The following MKLN1 variants were observed in gnomAD, a reference collection of about 807,000 sequenced individuals.
MKLN1 encodes the protein muskelin.
Under a neutral mutation model 99.0 loss-of-function variants are expected in MKLN1, and 18 were observed. The observed-to-expected ratio is 0.18, with a 90% CI of 0.13 to 0.27. MKLN1 has a LOEUF of 0.27. Ranked by LOEUF, MKLN1 falls within the 10% of genes least tolerant of loss-of-function variation. The pLI is 1.00. For synonymous variants in MKLN1, 288 were observed against 293.2 expected (o/e 0.98, Z 0.18); for missense variants, 621 against 875.9 (o/e 0.71, Z 3.67).
intron 3 of MKLN1, among the ~76,000 whole-genome samples, chr7:131,211,475 A>G (rs1301630264): frequency 2.0e-5 from 3 of 151,914 alleles, no homozygotes; most frequent in African/African-American, 2.4e-5. Flanking sequence ...GAGAGTCTGT[A>G]CTCTCCTAAG....
intron 9 of MKLN1, among the ~76,000 whole-genome samples, chr7:131,433,272 T>C (rs1795579449): frequency 6.6e-6 from 1 of 152,206 alleles, no homozygotes; most frequent in Non-Finnish European, 1.5e-5. Flanking sequence ...TATGTTTTCT[T>C]AGGATTGGAT....
intron 4 of MKLN1, among the ~76,000 whole-genome samples, chr7:131,391,986 T>G (rs988685779): frequency 9.2e-5 from 14 of 152,256 alleles, no homozygotes; most frequent in African/African-American, 3.1e-4. Context: ...AAAGGAAAAT[T>G]TAGTAACAGA....
At chr7:131,271,653 T>C (rs867909099) in intron 3 of MKLN1, among the ~76,000 whole-genome samples, 14 of 151,040 alleles carry the variant, frequency 9.3e-5, no homozygotes, top group African/African-American at 3.4e-4. Flanking sequence ...CCGGGCATGG[T>C]TGCTCACGCC....
At chr7:131,361,645 T>C (rs1193166823) in intron 1 of MKLN1, among the ~76,000 whole-genome samples, 1 of 151,450 alleles carries the variant, frequency 6.6e-6, no homozygotes, top group East Asian at 1.9e-4. Flanking sequence ...CACTTAAATC[T>C]CTCTGAGGAA....
intron 3 of MKLN1, among the ~76,000 whole-genome samples, chr7:131,246,885 G>A (rs1183042610): frequency 6.6e-6 from 1 of 152,148 alleles, no homozygotes; most frequent in African/African-American, 2.4e-5. Context: ...TTGTGATGTG[G>A]TTTCTTTCTG....
At chr7:131,469,881 CT>C (rs11437302) in intron 15 of MKLN1, among the ~76,000 whole-genome samples, 11 of 146,604 alleles carry the variant, frequency 7.5e-5, no homozygotes, top group Admixed American at 2.0e-4. Flanking sequence ...CTCAGTTTTG[CT>C]TTTTTTTTTT....
chr7:131,276,852 TGAG>T (rs1455598661), intron 3 of MKLN1, among the ~76,000 whole-genome samples: 1 of 152,328 alleles, frequency 6.6e-6, no homozygotes, highest in East Asian at 1.9e-4. Context: ...GTCTGACTTT[TGAG>T]GAGGAGTATT....
At chr7:131,144,999 A>C (rs565523377) in intron 2 of MKLN1, among the ~76,000 whole-genome samples, 6 of 151,696 alleles carry the variant, frequency 4.0e-5, no homozygotes, top group Admixed American at 1.3e-4. Flanking sequence ...CAACAACCAC[A>C]ACAACAACAA....
chr7:131,372,743 ATAAAGT>A (rs940432913), intron 1 of MKLN1, among the ~76,000 whole-genome samples: 5 of 136,826 alleles, frequency 3.7e-5, no homozygotes, highest in African/African-American at 1.1e-4. Context: ...TTTTTTTTAG[ATAAAGT>A]TCTAAGAAGT....
chr7:131,192,263 TA>T (rs1563247657), intron 2 of MKLN1, among the ~76,000 whole-genome samples: 40 of 84,656 alleles, frequency 4.7e-4, no homozygotes, highest in Admixed American at 8.9e-4. Flanking sequence ...ATATATACAA[TA>T]TATAAATATA....
At chr7:131,240,767 C>A (rs1341452223) in intron 3 of MKLN1, among the ~76,000 whole-genome samples, 1 of 152,070 alleles carries the variant, frequency 6.6e-6, no homozygotes, top group African/African-American at 2.4e-5. Flanking sequence ...ACACAGTAGG[C>A]AAATGGGATA....
At chr7:131,189,489 C>T (rs1014710286) in intron 2 of MKLN1, among the ~76,000 whole-genome samples, 11 of 151,386 alleles carry the variant, frequency 7.3e-5, no homozygotes, top group Admixed American at 4.0e-4. Context: ...TTGCTTCTTA[C>T]GGTATTTCAG....
In MKLN1 at chr7:131,366,511, T is replaced by C. The variant is rs78888283; in HGVS notation, c.99-8913T>C. Among the ~76,000 whole-genome samples the C allele has an allele frequency of 3.7e-3, 570 of 152,206 alleles. 3 individuals carry two copies. Among genetic ancestry groups the C allele is most frequent in the Non-Finnish European group, 6.8e-3 (461 of 68,002 alleles). ...TTGCTGCTGTTATATTTAAGTATTC[T>C]TAAGAGTAGTAATTTAGGGCTGGGT... On this transcript the variant is annotated intron_variant, in intron 1 of 17. Coordinates refer to ENST00000352689, the MANE Select transcript of MKLN1 (RefSeq NM_013255.5).
intron 1 of MKLN1, among the ~76,000 whole-genome samples, chr7:131,136,574 G>A (rs1033472236): frequency 2.6e-5 from 4 of 152,142 alleles, no homozygotes; most frequent in African/African-American, 7.2e-5. Flanking sequence ...CTTTGGTACC[G>A]ATTCCATATA....
intron 1 of MKLN1, among the ~76,000 whole-genome samples, chr7:131,348,911 A>T (rs1324858627): frequency 6.6e-6 from 1 of 152,090 alleles, no homozygotes; most frequent in Non-Finnish European, 1.5e-5. Context: ...TCGGTCATTT[A>T]ATTTCTCTAG....
intron 3 of MKLN1, among the ~76,000 whole-genome samples, chr7:131,263,895 T>A (rs1391638500): frequency 6.6e-6 from 1 of 152,142 alleles, no homozygotes; most frequent in African/African-American, 2.4e-5. Context: ...GAAATGGTTG[T>A]CCCCACTTTA....
intron 16 of MKLN1, among the ~76,000 whole-genome samples, chr7:131,476,018 G>A (rs1796956469): frequency 6.6e-6 from 1 of 152,042 alleles, no homozygotes; most frequent in African/African-American, 2.4e-5. Flanking sequence ...AAAATTCAGT[G>A]TAATTCACCA....
chr7:131,394,147 GT>G (rs1794286758), intron 4 of MKLN1, among the ~76,000 whole-genome samples: 1 of 151,726 alleles, frequency 6.6e-6, no homozygotes. Context: ...TTTAATATTT[GT>G]TGTTAAAAAA....
intron 2 of MKLN1, among the ~76,000 whole-genome samples, chr7:131,162,019 AAT>A (rs59761731): frequency 0.94 from 126,183 of 133,910 alleles, 59,656 homozygotes; most frequent in East Asian, 0.99. Context: ...GTGATATACA[AAT>A]ATATATATAT....
Sources: gnomAD v4.1 joint callset for allele counts (sites outside exome capture counted in the v4.1 genomes callset) on GRCh38, gnomAD v4.1.1 for gene constraint, MANE v1.5 for transcripts, NCBI Gene and HGNC (gene_info 2026-07-23, HGNC 2026-07-21) for gene names.